Variants in TACR3 observed in about 807,000 individuals in gnomAD.
TACR3 encodes the protein neuromedin-K receptor.
TACR3 carries 34 observed loss-of-function variants against 35.0 expected under a neutral mutation model. The observed-to-expected ratio is 0.97, with a 90% CI of 0.74 to 1.30. The LOEUF (loss-of-function observed/expected upper bound fraction) is 1.30. Ranked by LOEUF, TACR3 falls within the 50% of genes most tolerant of loss-of-function variation. The probability of loss-of-function intolerance (pLI) is 0.00; values close to 1 mark genes in which losing one functional copy is unlikely to be tolerated. For missense variants in TACR3, 558 were observed against 591.7 expected (o/e 0.94, Z 0.59); for synonymous variants, 233 against 221.1 (o/e 1.05, Z -0.48).
At chr4:103,642,821 A>G (rs1343892210) in intron 3 of TACR3, among the ~76,000 whole-genome samples, 2 of 151,812 alleles carry the variant, frequency 1.3e-5, no homozygotes, top group Non-Finnish European at 2.9e-5. Flanking sequence ...AAAGATTTGG[A>G]ATGCTCCCAA....
chr4:103,681,169 A>G (rs1315555032), intron 1 of TACR3, among the ~76,000 whole-genome samples: 1 of 152,008 alleles, frequency 6.6e-6, no homozygotes, highest in African/African-American at 2.4e-5. Context: ...ATAAAATGTC[A>G]CTTTAGTTAT....
intron 3 of TACR3, among the ~76,000 whole-genome samples, chr4:103,606,835 C>A (rs1724382980): frequency 6.6e-6 from 1 of 152,160 alleles, no homozygotes; most frequent in African/African-American, 2.4e-5. Context: ...CCTAATTGCC[C>A]TGTCCAGAAC....
At chr4:103,612,437 A>G (rs1254979983) in intron 3 of TACR3, among the ~76,000 whole-genome samples, 1 of 151,774 alleles carries the variant, frequency 6.6e-6, no homozygotes, top group Non-Finnish European at 1.5e-5. Flanking sequence ...TTTCCAGTGT[A>G]ATTTGTTACT....
chr4:103,716,853 C>T (rs1723103164), intron 1 of TACR3, among the ~76,000 whole-genome samples: 1 of 152,148 alleles, frequency 6.6e-6, no homozygotes, highest in African/African-American at 2.4e-5. Context: ...TTTCACACTT[C>T]AATTGTAGTC....
intron 3 of TACR3, among the ~76,000 whole-genome samples, chr4:103,629,845 C>CAAAAAAAAAAAAAA (rs1487546451): frequency 1.5e-4 from 9 of 59,548 alleles, no homozygotes; most frequent in Non-Finnish European, 1.9e-4. Flanking sequence ...CAATCCTAAG[C>CAAAAAAAAAAAAAA]AAAACAAAAA....
At chr4:103,703,321 C>T (rs961417128) in intron 1 of TACR3, among the ~76,000 whole-genome samples, 1 of 151,940 alleles carries the variant, frequency 6.6e-6, no homozygotes, top group Non-Finnish European at 1.5e-5. Context: ...ACAACCATAC[C>T]ACCACTCATC....
intron 3 of TACR3, among the ~76,000 whole-genome samples, chr4:103,609,178 G>A (rs1471068738): frequency 6.6e-6 from 1 of 152,070 alleles, no homozygotes; most frequent in African/African-American, 2.4e-5. Flanking sequence ...AATTATTAGT[G>A]ATAAGCTACT....
chr4:103,619,087 C>T (rs1208872665), intron 3 of TACR3, among the ~76,000 whole-genome samples: 2 of 151,786 alleles, frequency 1.3e-5, no homozygotes, highest in Non-Finnish European at 2.9e-5. Flanking sequence ...TCATTTCTTT[C>T]TCTGAAAGTT....
intron 3 of TACR3, among the ~76,000 whole-genome samples, chr4:103,615,392 TGTGTGTGAGAGAGAGAGA>T (rs1040504453): frequency 3.0e-4 from 30 of 98,408 alleles, no homozygotes; most frequent in African/African-American, 8.7e-4. Flanking sequence ...TGTGTGTGTG[TGTGTGTGAGAGAGAGAGA>T]GAGAGAGAGA....
chr4:103,595,545 T>C (rs751103143), intron 3 of TACR3, among the ~76,000 whole-genome samples: 5 of 152,232 alleles, frequency 3.3e-5, no homozygotes, highest in Admixed American at 3.3e-4. Context: ...TCTTAGATTT[T>C]TGTATACCGT....
chr4:103,609,514 TG>T (rs1404844141), intron 3 of TACR3, among the ~76,000 whole-genome samples: 1 of 152,100 alleles, frequency 6.6e-6, no homozygotes, highest in Non-Finnish European at 1.5e-5. Flanking sequence ...ACATTATTTG[TG>T]GGGTAGTGTG....
intron 3 of TACR3, among the ~76,000 whole-genome samples, chr4:103,637,201 C>G (rs192853424): frequency 6.6e-6 from 1 of 152,252 alleles, no homozygotes; most frequent in African/African-American, 2.4e-5. Context: ...AAAATACTGG[C>G]AAACTGAATC....
chr4:103,602,903 C>T (rs145878917), intron 3 of TACR3, among the ~76,000 whole-genome samples: 5,164 of 152,314 alleles, frequency 0.034, 330 homozygotes, highest in African/African-American at 0.12. Flanking sequence ...AGCACCACTA[C>T]TCTCTTCAAA....
chr4:103,601,242 A>G lies in TACR3; in HGVS notation c.889-9559T>C, dbSNP rs148632968. ...TTTTTTTGTTTTCCATTTGCTTGGT[A>G]GATTTTCCTCCATCCCTTTATTTTG... On this transcript the variant is annotated intron_variant, in intron 3 of 4. Coordinates refer to ENST00000304883, the MANE Select transcript of TACR3 (RefSeq NM_001059.3). Among the ~76,000 whole-genome samples the G allele has an allele frequency of 5.2e-4, 79 of 152,022 alleles. No homozygotes were observed. The East Asian group carries it at 0.013, about 24-fold the overall frequency.
intron 3 of TACR3, among the ~76,000 whole-genome samples, chr4:103,631,032 A>T (rs1321732038): frequency 6.6e-6 from 1 of 152,190 alleles, no homozygotes; most frequent in African/African-American, 2.4e-5. Flanking sequence ...TTGCAGGGAC[A>T]TGGATGAAGC....
In TACR3 at chr4:103,637,340, C is replaced by T. The variant is rs568340913; in HGVS notation, c.888+18854G>A. On this transcript the variant is annotated intron_variant, in intron 3 of 4. Coordinates refer to ENST00000304883, the MANE Select transcript of TACR3 (RefSeq NM_001059.3). ...TAAACAGAACCAACGACAAAAACCACGTGATTATCTCAATAGATGCAGGAA... is the reference window on the plus strand; with the variant it reads ...TAAACAGAACCAACGACAAAAACCATGTGATTATCTCAATAGATGCAGGAA... 6.4e-3 allele frequency among the ~76,000 whole-genome samples: 967 copies of T among 152,244 alleles called. 7 individuals carry two copies. The highest frequency in any genetic ancestry group is 0.018 in the South Asian group (88 of 4,826).
chr4:103,697,552 G>GTAAC (rs1366342767), intron 1 of TACR3, among the ~76,000 whole-genome samples: 1 of 151,962 alleles, frequency 6.6e-6, no homozygotes, highest in Non-Finnish European at 1.5e-5. Context: ...AGCCTCCGGA[G>GTAAC]TAACTGGGAC....
At chr4:103,593,730 C>A (rs1447052443) in intron 3 of TACR3, among the ~76,000 whole-genome samples, 9 of 152,120 alleles carry the variant, frequency 5.9e-5, no homozygotes, top group Admixed American at 5.9e-4. Flanking sequence ...CAAGCCGTTG[C>A]ACAATTGTCA....
chr4:103,661,934 C>G (rs1358489618), intron 1 of TACR3, among the ~76,000 whole-genome samples: 1 of 152,146 alleles, frequency 6.6e-6, no homozygotes, highest in Non-Finnish European at 1.5e-5. Flanking sequence ...TAGAAAAATA[C>G]TTCCCAAATT....
Sources: allele counts gnomAD v4.1 joint callset (sites outside exome capture counted in the v4.1 genomes callset), GRCh38; gene constraint gnomAD v4.1.1; transcripts MANE v1.5; gene names NCBI Gene and HGNC (gene_info 2026-07-23, HGNC 2026-07-21).